DENND1A: variants seen among roughly 807,000 people sequenced by gnomAD.
DENND1A encodes DENN domain-containing protein 1A.
DENND1A carries 51 observed loss-of-function variants against 113.7 expected under a neutral mutation model. The observed-to-expected ratio is 0.45, with a 90% CI of 0.36 to 0.57. The LOEUF (loss-of-function observed/expected upper bound fraction) is 0.57. DENND1A is among the 20% of genes least tolerant of loss of function. The pLI is 0.00. For synonymous variants in DENND1A, 565 were observed against 570.8 expected, an observed-to-expected ratio of 0.99 and a Z score of 0.14; for missense variants, 1,258 against 1,395.9, an observed-to-expected ratio of 0.90 and a Z score of 1.57.
intron 13 of DENND1A, among the ~76,000 whole-genome samples, chr9:123,492,391 G>T (rs1341489740): frequency 1.3e-5 from 2 of 152,224 alleles, no homozygotes; most frequent in South Asian, 2.1e-4. Flanking sequence ...CACAGAGGGT[G>T]TTCTAGGCAA....
rs1392241610 is a variant in DENND1A, at chr9:123,904,814, C to A, written c.17+25075G>T. 2.0e-5 allele frequency among the ~76,000 whole-genome samples: 3 copies of A among 152,038 alleles called. No homozygotes were observed. The East Asian group carries it at 5.8e-4, about 29-fold the overall frequency. On this transcript the variant is annotated intron_variant, in intron 1 of 23. Coordinates refer to ENST00000394215, the MANE Select transcript of DENND1A (RefSeq NM_001352964.2). ...TATGATCCAGGAGAACTTCCCCAAT[C>A]TAGCAAGGCAGGCCAACGTTCAGAT...
chr9:123,867,126 T>C (rs1845899494), intron 2 of DENND1A, among the ~76,000 whole-genome samples: 1 of 152,202 alleles, frequency 6.6e-6, no homozygotes. Flanking sequence ...AAGCTTTCTT[T>C]TTCTAAAGAA....
chr9:123,786,434 C>T (rs1047640955), intron 3 of DENND1A, among the ~76,000 whole-genome samples: 1 of 152,100 alleles, frequency 6.6e-6, no homozygotes, highest in Non-Finnish European at 1.5e-5. Context: ...AGTGTTGTGG[C>T]CATGCCATTA....
intron 8 of DENND1A, among the ~76,000 whole-genome samples, chr9:123,660,218 A>G (rs1335210657): frequency 6.6e-6 from 1 of 152,148 alleles, no homozygotes; most frequent in Admixed American, 6.5e-5. Flanking sequence ...TAAGGATTAA[A>G]GTGGAAGCAT....
chr9:123,709,622 C>T (rs1298560094), intron 5 of DENND1A, among the ~76,000 whole-genome samples: 1 of 152,176 alleles, frequency 6.6e-6, no homozygotes, highest in Non-Finnish European at 1.5e-5. Flanking sequence ...TGCTATATGG[C>T]CTGCTGCTCA....
intron 2 of DENND1A, among the ~76,000 whole-genome samples, chr9:123,801,330 C>T (rs1377493535): frequency 6.6e-6 from 1 of 152,210 alleles, no homozygotes; most frequent in Non-Finnish European, 1.5e-5. Flanking sequence ...ATCTCCTTCT[C>T]CCAGCCCCTG....
At chr9:123,399,103 G>A (rs151044539) in intron 21 of DENND1A, among the ~76,000 whole-genome samples, 161 of 152,192 alleles carry the variant, frequency 1.1e-3, no homozygotes, top group African/African-American at 3.7e-3. Flanking sequence ...GCCGTGGCCT[G>A]CTTTTAATAG....
intron 18 of DENND1A, among the ~76,000 whole-genome samples, chr9:123,443,385 C>T (rs2047071426): frequency 6.6e-6 from 1 of 152,188 alleles, no homozygotes; most frequent in Non-Finnish European, 1.5e-5. Flanking sequence ...AACCTAGAGC[C>T]TTGAATCTAG....
At chr9:123,805,642 C>T (rs1232862644) in intron 2 of DENND1A, among the ~76,000 whole-genome samples, 1 of 152,004 alleles carries the variant, frequency 6.6e-6, no homozygotes, top group Non-Finnish European at 1.5e-5. Context: ...TCGTGTTGGC[C>T]AGGCTGGTCT....
At chr9:123,669,802 A>G (rs1427182847) in intron 7 of DENND1A, among the ~76,000 whole-genome samples, 1 of 152,158 alleles carries the variant, frequency 6.6e-6, no homozygotes, top group African/African-American at 2.4e-5. Context: ...TTTTTGTAAC[A>G]AGGTTTCTTT....
chr9:123,490,600 A>AAAAAAC (rs1039758692), intron 13 of DENND1A, among the ~76,000 whole-genome samples: 3 of 152,174 alleles, frequency 2.0e-5, no homozygotes, highest in African/African-American at 7.2e-5. Flanking sequence ...AAATAAAACA[A>AAAAAAC]AAAAACAAAA....
rs899595295 is a variant in DENND1A at position 123,553,405 on chromosome 9, C to CG, written c.993+4164_993+4165insC. 1.9e-3 allele frequency among the ~76,000 whole-genome samples: 292 copies of CG among 151,602 alleles called. 3 individuals are homozygous for CG. Among genetic ancestry groups the CG allele is most frequent in the Middle Eastern group, 3.4e-3 (1 of 294 alleles). On this transcript the variant is annotated intron_variant, in intron 13 of 23. Transcript: ENST00000394215. Reference sequence around the variant, plus strand: ...CATTTGCCTTTTTAAAAGCCGCCCCCCCCCCGCTCCTCATCCCTCCGTGAT... The same window carrying CG: ...CATTTGCCTTTTTAAAAGCCGCCCCCGCCCCCGCTCCTCATCCCTCCGTGAT...
At chr9:123,766,193 C>T (rs1239149181) in intron 4 of DENND1A, among the ~76,000 whole-genome samples, 1 of 152,206 alleles carries the variant, frequency 6.6e-6, no homozygotes, top group Non-Finnish European at 1.5e-5. Flanking sequence ...CTCCCTCCCA[C>T]TTGCCCACTT....
intron 2 of DENND1A, among the ~76,000 whole-genome samples, chr9:123,858,383 T>C (rs181403438): frequency 6.6e-6 from 1 of 152,336 alleles, no homozygotes; most frequent in South Asian, 2.1e-4. Flanking sequence ...TGATATTGTT[T>C]AAAATCTTTC....
At chr9:123,710,375 C>A (rs59356096) in intron 5 of DENND1A, among the ~76,000 whole-genome samples, 1 of 152,050 alleles carries the variant, frequency 6.6e-6, no homozygotes, top group African/African-American at 2.4e-5. Context: ...TTACAGGCAA[C>A]AATCAACTGG....
intron 13 of DENND1A, among the ~76,000 whole-genome samples, chr9:123,534,516 T>C (rs914146119): frequency 2.6e-5 from 4 of 152,236 alleles, no homozygotes; most frequent in Admixed American, 6.5e-5. Flanking sequence ...TTTCCTAGCC[T>C]AAATGTGCAA....
intron 13 of DENND1A, among the ~76,000 whole-genome samples, chr9:123,461,734 G>A (rs1319205415): frequency 2.6e-5 from 4 of 152,224 alleles, no homozygotes; most frequent in Non-Finnish European, 4.4e-5. Context: ...GTGTGCTCAC[G>A]GGAGGTGATA....
At chr9:123,483,012 T>C (rs2050476402) in intron 13 of DENND1A, among the ~76,000 whole-genome samples, 1 of 151,732 alleles carries the variant, frequency 6.6e-6, no homozygotes, top group Non-Finnish European at 1.5e-5. Context: ...TTCAAGAGGA[T>C]CATTCTGATC....
chr9:123,731,914 G>C (rs1236130274), intron 5 of DENND1A, among the ~76,000 whole-genome samples: 6 of 152,148 alleles, frequency 3.9e-5, no homozygotes, highest in African/African-American at 1.2e-4. Context: ...ATGGGCAAAA[G>C]ATTTGAATAC....
Sources: gnomAD v4.1 joint callset for allele counts (sites outside exome capture counted in the v4.1 genomes callset) on GRCh38, gnomAD v4.1.1 for gene constraint, MANE v1.5 for transcripts, NCBI Gene and HGNC (gene_info 2026-07-23, HGNC 2026-07-21) for gene names.